Variants in RRP15 observed in about 807,000 individuals in gnomAD.
RRP15 encodes the protein RRP15-like protein.
Under a neutral mutation model 27.1 loss-of-function variants are expected in RRP15, and 18 were observed. The observed-to-expected ratio is 0.66, with a 90% CI of 0.46 to 0.98. The LOEUF is 0.98. Among genes scored for constraint, RRP15 ranks in the 50% least tolerant of loss-of-function variants. The probability of loss-of-function intolerance (pLI) is 0.00; values close to 1 mark genes in which losing one functional copy is unlikely to be tolerated. For missense variants in RRP15, 359 were observed against 337.8 expected, an observed-to-expected ratio of 1.06 and a Z score of -0.49; for synonymous variants, 107 against 109.4, an observed-to-expected ratio of 0.98 and a Z score of 0.14.
At chr1:218,298,831 G>T (rs1655763031) in intron 1 of RRP15, among the ~76,000 whole-genome samples, 1 of 152,250 alleles carries the variant, frequency 6.6e-6, no homozygotes, top group Non-Finnish European at 1.5e-5. Flanking sequence ...CTTTAATAGA[G>T]AACACTGCCA....
intron 1 of RRP15, among the ~76,000 whole-genome samples, chr1:218,289,530 G>A (rs1327943440): frequency 4.6e-5 from 7 of 152,174 alleles, no homozygotes; most frequent in Non-Finnish European, 1.0e-4. Context: ...CTTTGCCAAA[G>A]CTGCTTCTGT....
At chr1:218,311,123 A>G (rs1655989506) in intron 4 of RRP15, among the ~76,000 whole-genome samples, 1 of 152,118 alleles carries the variant, frequency 6.6e-6, no homozygotes, top group African/African-American at 2.4e-5. Flanking sequence ...CAGTATGAAA[A>G]CTGAATTTAT....
At chr1:218,310,145 A>G (rs1367601238) in intron 4 of RRP15, among the ~76,000 whole-genome samples, 1 of 152,164 alleles carries the variant, frequency 6.6e-6, no homozygotes, top group South Asian at 2.1e-4. Flanking sequence ...TTTTTCTTAT[A>G]TTTAACCTTG....
At chr1:218,320,267 G>A (rs976237124) in intron 4 of RRP15, among the ~76,000 whole-genome samples, 4 of 144,706 alleles carry the variant, frequency 2.8e-5, no homozygotes, top group African/African-American at 7.8e-5. Context: ...GTGTCCATGC[G>A]TTCTCACTGT....
At chr1:218,310,484 T>TTA (rs1655976454) in intron 4 of RRP15, among the ~76,000 whole-genome samples, 1 of 152,174 alleles carries the variant, frequency 6.6e-6, no homozygotes, top group African/African-American at 2.4e-5. Flanking sequence ...GGCAGGAGTT[T>TTA]TATATTAAAT....
rs556244971 is a variant in RRP15, at chr1:218,292,305, C to T, written c.139+6850C>T. On this transcript the variant is annotated intron_variant, in intron 1 of 4. Coordinates refer to ENST00000366932, the MANE Select transcript of RRP15 (RefSeq NM_016052.4). ...ATAACGTGCCTGAAAAAAGCTTATT[C>T]AACACATATTTTCTCTGAGAGGCAC... Among the ~76,000 whole-genome samples the T allele has an allele frequency of 2.0e-5, 3 of 152,280 alleles. No individual in the cohort carries two copies. In the East Asian group the frequency reaches 5.8e-4, roughly 29 times the overall value.
chr1:218,325,120 A>G (rs1056023556), intron 4 of RRP15, among the ~76,000 whole-genome samples: 1 of 152,158 alleles, frequency 6.6e-6, no homozygotes. Context: ...TCTTTTGGTA[A>G]AGCATATTCT....
rs1442857735 is a variant in RRP15 at position 218,337,912 on chromosome 1, T to A, written c.*6821T>A. On this transcript the variant is annotated 3_prime_UTR_variant, in exon 5 of 5. Coordinates refer to ENST00000366932, the MANE Select transcript of RRP15 (RefSeq NM_016052.4). ...GCAATGAATGTTGAACATAAAAAAT[T>A]TGACTCCCTTTCCATGTGTCCACTG... 6.6e-6 allele frequency: 1 copy of A among 152,162 alleles called. No individual in the cohort carries two copies. The highest frequency in any genetic ancestry group is 2.4e-5 in the African/African-American group (1 of 41,440). The allele number at this position is 152,162 out of a possible 1,614,324, so 9.4% of individuals were successfully genotyped here. A position where few individuals can be genotyped will look rare whatever the true frequency, so the allele number is the denominator to read the frequency against.
At chr1:218,306,140 T>C (rs1237564002) in intron 3 of RRP15, among the ~76,000 whole-genome samples, 1 of 152,140 alleles carries the variant, frequency 6.6e-6, no homozygotes, top group African/African-American at 2.4e-5. Flanking sequence ...GGGTCTGGAA[T>C]TTTACTCTCC....
rs1656470212 is a variant in RRP15 at position 218,337,649 on chromosome 1, A to G, written c.*6558A>G. The G allele has an allele frequency of 1.3e-5, 2 of 152,238 alleles. No individual in the cohort carries two copies. The highest frequency in any genetic ancestry group is 3.9e-4 in the East Asian group (2 of 5,186). 9.4% of individuals were successfully genotyped at this position (152,238 alleles called of 1,614,324 possible). On this transcript the variant is annotated 3_prime_UTR_variant, in exon 5 of 5. Transcript: ENST00000366932. ...AATAGAATAAGACTTTTTTTTAAAG[A>G]ATGTAATTTTTGACAGTCTGAAAAG...
chr1:218,291,635 A>G (rs1655643525), intron 1 of RRP15, among the ~76,000 whole-genome samples: 1 of 146,736 alleles, frequency 6.8e-6, no homozygotes, highest in African/African-American at 2.6e-5. Context: ...AGGTTCAAGC[A>G]ATTCTTCTGC....
intron 3 of RRP15, among the ~76,000 whole-genome samples, chr1:218,306,523 C>A (rs1192818682): frequency 1.3e-5 from 2 of 152,084 alleles, no homozygotes; most frequent in African/African-American, 4.8e-5. Context: ...AAAAATCCAG[C>A]AACCATATGC....
At chr1:218,306,091 G>C (rs1353020435) in intron 3 of RRP15, among the ~76,000 whole-genome samples, 4 of 152,058 alleles carry the variant, frequency 2.6e-5, no homozygotes, top group Non-Finnish European at 4.4e-5. Context: ...TGTCCTAGGC[G>C]CCTCCCTTTC....
intron 1 of RRP15, among the ~76,000 whole-genome samples, chr1:218,297,910 A>G (rs1377662980): frequency 1.3e-5 from 2 of 152,130 alleles, no homozygotes; most frequent in Non-Finnish European, 2.9e-5. Flanking sequence ...TGGATCATAA[A>G]TCATGCTTTT....
chr1:218,328,652 G>T (rs1434392020), intron 4 of RRP15, among the ~76,000 whole-genome samples: 9 of 151,536 alleles, frequency 5.9e-5, no homozygotes, highest in Non-Finnish European at 1.2e-4. Context: ...GACAGAGCGA[G>T]ACTCCGTCTC....
intron 3 of RRP15, 88 bp from the exon 4 acceptor site, chr1:218,307,343 A>G: frequency 8.8e-7 from 1 of 1,132,248 alleles, no homozygotes. Flanking sequence ...TCTTTTCTAG[A>G]CAGTGAAAAT....
rs896562906 is a variant in RRP15 at position 218,334,465 on chromosome 1, T to A, written c.*3374T>A. 1.3e-5 allele frequency: 2 copies of A among 152,194 alleles called. No homozygotes were observed. The highest frequency in any genetic ancestry group is 4.8e-5 in the African/African-American group (2 of 41,446). The allele number at this position is 152,194 out of a possible 1,614,324, so 9.4% of individuals were successfully genotyped here. On this transcript the variant is annotated 3_prime_UTR_variant, in exon 5 of 5. Transcript: ENST00000366932. ...GAAACCTCTTATGTTTTCCTCCCATTTCCTTCTATGTCTCCATTAATGTGC... is the reference window on the plus strand; with the variant it reads ...GAAACCTCTTATGTTTTCCTCCCATATCCTTCTATGTCTCCATTAATGTGC...
At chr1:218,320,870 A>G (rs753347686) in intron 4 of RRP15, among the ~76,000 whole-genome samples, 3 of 152,212 alleles carry the variant, frequency 2.0e-5, no homozygotes, top group Non-Finnish European at 4.4e-5. Context: ...AATTTAGTCA[A>G]TGTTAAGAAC....
intron 1 of RRP15, among the ~76,000 whole-genome samples, chr1:218,292,948 C>T (rs1205423539): frequency 6.6e-6 from 1 of 152,108 alleles, no homozygotes; most frequent in Non-Finnish European, 1.5e-5. Context: ...TTGTCTTTTA[C>T]AAATTTTCCT....
Sources: gnomAD v4.1 joint callset for allele counts (sites outside exome capture counted in the v4.1 genomes callset) on GRCh38, gnomAD v4.1.1 for gene constraint, MANE v1.5 for transcripts, NCBI Gene and HGNC (gene_info 2026-07-23, HGNC 2026-07-21) for gene names.